The following NTM variants were observed in gnomAD, a reference collection of about 807,000 sequenced individuals.
The protein encoded by NTM is neurotrimin, also known as IgLON family member 2.
A neutral mutation model predicts 42.1 loss-of-function variants in NTM; 13 were observed. That is an observed-to-expected ratio of 0.31 (90% CI 0.20 to 0.49). NTM has a LOEUF of 0.49. Ranked by LOEUF, NTM falls within the 20% of genes least tolerant of loss-of-function variation. The probability of loss-of-function intolerance (pLI) is 0.99; values close to 1 mark genes in which losing one functional copy is unlikely to be tolerated. For synonymous variants in NTM, 187 were observed against 179.2 expected (o/e 1.04, Z -0.35); for missense variants, 373 against 452.8 (o/e 0.82, Z 1.60).
chr11:131,466,533 G>A (rs1480278496), intron 1 of NTM, among the ~76,000 whole-genome samples: 4 of 152,186 alleles, frequency 2.6e-5, no homozygotes, highest in Non-Finnish European at 5.9e-5. Flanking sequence ...CCCTGGGGTT[G>A]TGCAGGCTGT....
chr11:132,143,797 C>T (rs1275365603), intron 2 of NTM, among the ~76,000 whole-genome samples: 1 of 152,068 alleles, frequency 6.6e-6, no homozygotes, highest in African/African-American at 2.4e-5. Flanking sequence ...TTATGTCGTT[C>T]CAAATTCATG....
At chr11:132,209,398 T>A (rs2082476306) in intron 3 of NTM, among the ~76,000 whole-genome samples, 1 of 151,116 alleles carries the variant, frequency 6.6e-6, no homozygotes, top group Admixed American at 6.6e-5. Flanking sequence ...CAATTGAGTG[T>A]GTATGTGTAT....
At position 132,212,125 on chromosome 11, in the gene NTM, T is replaced by C. The variant is rs932768205; in HGVS notation, c.504T>C (p.Thr168=). Residue 168 remains threonine, a synonymous_variant, in exon 4 of 9, where the codon ACT becomes ACC. Coordinates refer to ENST00000683400, the MANE Select transcript of NTM (RefSeq NM_001352005.2). ...CTGGTAGACCAGAGCCTACGGTTAC[T>C]TGGAGACACATCTCTCCCAAAGGTA... ...IATGRPEPTV[T]WRHISPKAVG... is the part of the protein sequence containing the mutation. 1.2e-6 allele frequency: 2 copies of C among 1,613,268 alleles called. No individual in the cohort carries two copies. The highest frequency in any genetic ancestry group is 1.7e-6 in the Non-Finnish European group (2 of 1,179,710).
At chr11:131,465,692 T>C (rs1007087486) in intron 1 of NTM, among the ~76,000 whole-genome samples, 10 of 152,230 alleles carry the variant, frequency 6.6e-5, no homozygotes, top group African/African-American at 2.2e-4. Context: ...GAACAGTCTT[T>C]TCTTTTGTCA....
intron 1 of NTM, among the ~76,000 whole-genome samples, chr11:131,809,451 A>G (rs939793430): frequency 2.6e-5 from 4 of 152,184 alleles, no homozygotes; most frequent in African/African-American, 9.7e-5. Flanking sequence ...GGAGCAGCTG[A>G]TCACTGCTGT....
intron 1 of NTM, among the ~76,000 whole-genome samples, chr11:131,470,721 C>T (rs1952355284): frequency 6.6e-6 from 1 of 152,152 alleles, no homozygotes; most frequent in Non-Finnish European, 1.5e-5. Flanking sequence ...GCAGGTCAGA[C>T]CGTGAAAGCA....
intron 1 of NTM, among the ~76,000 whole-genome samples, chr11:131,674,139 C>T (rs923428339): frequency 1.3e-5 from 2 of 152,232 alleles, no homozygotes; most frequent in Non-Finnish European, 2.9e-5. Flanking sequence ...GGGGTGCGGG[C>T]GCCCTCGCGT....
At chr11:131,690,991 G>T (rs1214218666) in intron 1 of NTM, among the ~76,000 whole-genome samples, 2 of 152,222 alleles carry the variant, frequency 1.3e-5, no homozygotes, top group Admixed American at 1.3e-4. Flanking sequence ...AGCGGGTGGG[G>T]AGCAAGGGGC....
chr11:132,290,873 C>T lies in NTM; in HGVS notation c.527-16816C>T, dbSNP rs145474548. On this transcript the variant is annotated intron_variant, in intron 4 of 8. Transcript: ENST00000683400. ...AAGCTGTAACCTGAAAGAAAGAAGGCGACAACCTGAAAAATAGAGTGTTTC... is the reference window on the plus strand; with the variant it reads ...AAGCTGTAACCTGAAAGAAAGAAGGTGACAACCTGAAAAATAGAGTGTTTC... Among the ~76,000 whole-genome samples the T allele has an allele frequency of 1.1e-3, 173 of 152,124 alleles. 2 individuals are homozygous for T. The highest frequency in any genetic ancestry group is 3.9e-3 in the African/African-American group (162 of 41,500).
intron 2 of NTM, among the ~76,000 whole-genome samples, chr11:131,975,132 T>C (rs1305960241): frequency 6.6e-6 from 1 of 152,174 alleles, no homozygotes; most frequent in Non-Finnish European, 1.5e-5. Context: ...TGTTTTTCTT[T>C]CTTCTTATTT....
At chr11:131,762,211 A>T (rs2084323851) in intron 1 of NTM, among the ~76,000 whole-genome samples, 2 of 152,148 alleles carry the variant, frequency 1.3e-5, no homozygotes, top group Admixed American at 6.5e-5. Flanking sequence ...GGAAATGGAC[A>T]CTCTTTGCCT....
At chr11:132,249,691 G>A (rs2091700317) in intron 4 of NTM, among the ~76,000 whole-genome samples, 1 of 152,208 alleles carries the variant, frequency 6.6e-6, no homozygotes, top group South Asian at 2.1e-4. Flanking sequence ...GAGAAGTCAG[G>A]ATCCAGGATT....
At chr11:132,290,724 T>A (rs1452299049) in intron 4 of NTM, among the ~76,000 whole-genome samples, 1 of 152,202 alleles carries the variant, frequency 6.6e-6, no homozygotes, top group African/African-American at 2.4e-5. Flanking sequence ...TTTAATATAA[T>A]GTAATAAGTG....
intron 1 of NTM, among the ~76,000 whole-genome samples, chr11:131,443,877 T>C (rs1187670988): frequency 6.6e-6 from 1 of 152,124 alleles, no homozygotes; most frequent in Non-Finnish European, 1.5e-5. Flanking sequence ...GTGAATAAGC[T>C]TGGAGGAAGA....
intron 2 of NTM, among the ~76,000 whole-genome samples, chr11:132,022,825 A>G (rs773410090): frequency 3.3e-5 from 5 of 152,234 alleles, no homozygotes; most frequent in Non-Finnish European, 7.3e-5. Context: ...GATGCAATTC[A>G]AAGGCTGTTA....
chr11:131,761,856 TA>T (rs2084256407), intron 1 of NTM, among the ~76,000 whole-genome samples: 1 of 126,310 alleles, frequency 7.9e-6, no homozygotes, highest in Non-Finnish European at 1.7e-5. Context: ...AATAAATAAA[TA>T]AATAATAAAT....
chr11:131,567,231 A>C (rs1487579356), intron 1 of NTM, among the ~76,000 whole-genome samples: 1 of 152,116 alleles, frequency 6.6e-6, no homozygotes, highest in Admixed American at 6.5e-5. Flanking sequence ...TGGCTCACGC[A>C]TGTAATTCCA....
intron 2 of NTM, among the ~76,000 whole-genome samples, chr11:132,096,648 C>T (rs756324230): frequency 6.6e-6 from 1 of 152,140 alleles, no homozygotes; most frequent in Non-Finnish European, 1.5e-5. Flanking sequence ...AATTACTGAC[C>T]CATCAAGGAG....
intron 1 of NTM, among the ~76,000 whole-genome samples, chr11:131,850,306 G>A (rs922726860): frequency 6.6e-6 from 1 of 152,084 alleles, no homozygotes; most frequent in African/African-American, 2.4e-5. Context: ...GAAGCTATTA[G>A]AAGACATTAG....
Sources: allele counts gnomAD v4.1 joint callset (sites outside exome capture counted in the v4.1 genomes callset), GRCh38; gene constraint gnomAD v4.1.1; transcripts MANE v1.5; gene names NCBI Gene and HGNC (gene_info 2026-07-23, HGNC 2026-07-21).